The following PKHD1 variants were observed in gnomAD, a reference collection of about 807,000 sequenced individuals.
PKHD1 encodes PKHD1 ciliary IPT domain containing fibrocystin/polyductin.
In PKHD1, 291 loss-of-function variants were observed where a neutral mutation model predicts 412.0. That is an observed-to-expected ratio of 0.71 (90% CI 0.64 to 0.78). The LOEUF (loss-of-function observed/expected upper bound fraction) is 0.78. PKHD1 is among the 30% of genes least tolerant of loss of function. The pLI is 0.00. For synonymous variants in PKHD1, 1,777 were observed against 1,821.5 expected, an observed-to-expected ratio of 0.98 and a Z score of 0.62; for missense variants, 4,825 against 4,950.7, an observed-to-expected ratio of 0.97 and a Z score of 0.76.
chr6:51,961,728 C>T (rs908682685), intron 35 of PKHD1, among the ~76,000 whole-genome samples: 1 of 151,992 alleles, frequency 6.6e-6, no homozygotes, highest in African/African-American at 2.4e-5. Flanking sequence ...AAGTAAACTG[C>T]AGAACAGGGT....
chr6:52,066,810 G>A (rs1348123409), intron 11 of PKHD1, among the ~76,000 whole-genome samples: 2 of 152,152 alleles, frequency 1.3e-5, no homozygotes, highest in Admixed American at 6.5e-5. Context: ...TGAGACAGGA[G>A]AATTGCTTGA....
At chr6:51,732,681 TTGG>T (rs1161165956) in intron 60 of PKHD1, among the ~76,000 whole-genome samples, 2 of 152,168 alleles carry the variant, frequency 1.3e-5, no homozygotes, top group Non-Finnish European at 2.9e-5. Flanking sequence ...TTGTGTACTG[TTGG>T]TGGGAATGTA....
Position 51,616,084 on chromosome 6 carries a change from T to C in PKHD1, c.*2997A>G, listed in dbSNP as rs927842562. 8 of 152,200 alleles carry C rather than the reference T, an allele frequency of 5.3e-5. No homozygotes were observed. Among genetic ancestry groups the C allele is most frequent in the African/African-American group, 1.9e-4 (8 of 41,454 alleles). 9.4% of individuals were successfully genotyped at this position (152,200 alleles called of 1,614,324 possible). ...CTTTATTTGACAAATAAAAATTGTA[T>C]ATATTTATCATGTACAACTCGATAG... On this transcript the variant is annotated 3_prime_UTR_variant, in exon 67 of 67. Coordinates refer to ENST00000371117, the MANE Select transcript of PKHD1 (RefSeq NM_138694.4).
At chr6:51,989,977 AAGGAAGGGAGAG>A (rs1796832983) in intron 35 of PKHD1, among the ~76,000 whole-genome samples, 1 of 117,966 alleles carries the variant, frequency 8.5e-6, no homozygotes, top group African/African-American at 3.0e-5. Context: ...GGAAGGAAGG[AAGGAAGGGAGAG>A]ATACAGCAAT....
intron 15 of PKHD1, among the ~76,000 whole-genome samples, chr6:52,059,253 CTTTTTCTTTTTT>C (rs1808291711): frequency 1.0e-5 from 1 of 98,278 alleles, no homozygotes; most frequent in Non-Finnish European, 2.1e-5. Context: ...TTTTCTTTTT[CTTTTTCTTTTTT>C]TTTTTTTTTT....
intron 64 of PKHD1, among the ~76,000 whole-genome samples, chr6:51,635,735 T>C (rs867838723): frequency 9.9e-5 from 15 of 150,906 alleles, no homozygotes; most frequent in Middle Eastern, 3.4e-3. Context: ...TTTGAGGAGA[T>C]ATTTGAGAAG....
intron 60 of PKHD1, among the ~76,000 whole-genome samples, chr6:51,704,376 A>G (rs936163563): frequency 2.6e-5 from 4 of 152,110 alleles, no homozygotes; most frequent in African/African-American, 9.7e-5. Flanking sequence ...ATTTTCTTCT[A>G]TAAGATAAAG....
chr6:52,058,687 A>G, intron 15 of PKHD1, 86 bp from the exon 16 acceptor site: 1 of 1,368,452 alleles, frequency 7.3e-7, no homozygotes, highest in South Asian at 1.2e-5. Flanking sequence ...AACTGCTACT[A>G]TCAAGAGAGT....
chr6:51,636,500 T>C (rs1347455089), intron 64 of PKHD1, among the ~76,000 whole-genome samples: 4 of 152,052 alleles, frequency 2.6e-5, no homozygotes, highest in African/African-American at 7.2e-5. Flanking sequence ...TGAGCCATGA[T>C]TGAGCCACTG....
rs536818717 is a variant in PKHD1, at chr6:51,887,011, A to T, written c.7109+122T>A. 1.1e-4 allele frequency: 83 copies of T among 732,636 alleles called. No individual in the cohort carries two copies. In the African/African-American group the frequency reaches 1.3e-3, roughly 12 times the overall value. 45.4% of individuals were successfully genotyped at this position (732,636 alleles called of 1,614,324 possible). On this transcript the variant is annotated intron_variant, in intron 44 of 66. Transcript: ENST00000371117. ...TATACCTCAAAAAAGCAGTTTCAGA[A>T]AATGCACAGGAACATCACCCAATCT...
chr6:52,018,931 G>C (rs906761838), intron 33 of PKHD1, among the ~76,000 whole-genome samples: 1 of 152,126 alleles, frequency 6.6e-6, no homozygotes, highest in African/African-American at 2.4e-5. Flanking sequence ...ACTTGGATAA[G>C]TTTATGAATT....
chr6:52,069,614 G>A (rs1184195905), intron 10 of PKHD1, 87 bp from the exon 11 acceptor site: 1 of 922,034 alleles, frequency 1.1e-6, no homozygotes, highest in Admixed American at 1.7e-5. Flanking sequence ...GGAAGATTGG[G>A]AACTAACCTC....
At chr6:51,673,360 T>A (rs1319776899) in intron 60 of PKHD1, among the ~76,000 whole-genome samples, 1 of 152,212 alleles carries the variant, frequency 6.6e-6, no homozygotes, top group Non-Finnish European at 1.5e-5. Context: ...GCCAACAGCA[T>A]TAATCAAAGC....
Position 51,940,608 on chromosome 6 carries a change from C to G in PKHD1, c.5909-6286G>C, listed in dbSNP as rs544624900. 1.9e-3 allele frequency among the ~76,000 whole-genome samples: 288 copies of G among 151,860 alleles called. 14 individuals carry two copies. The highest frequency in any genetic ancestry group is 2.9e-3 in the Admixed American group (44 of 15,260). ...GAGCCCCTGGAACTCTGGCCCAAGG[C>G]TCTCTGACTGACTCCTTCCCAGATC... On this transcript the variant is annotated intron_variant, in intron 36 of 66. Coordinates refer to ENST00000371117, the MANE Select transcript of PKHD1 (RefSeq NM_138694.4).
At chr6:51,926,692 C>A (rs1057246921) in intron 37 of PKHD1, among the ~76,000 whole-genome samples, 7 of 152,144 alleles carry the variant, frequency 4.6e-5, no homozygotes, top group Admixed American at 4.6e-4. Flanking sequence ...ATTTAAGGAA[C>A]CCTTTCTTAA....
chr6:52,040,994 G>T lies in PKHD1; in HGVS notation c.3097+1865C>A, dbSNP rs180996550. ...GATGGTAACAATTAAAGGTTGAAGAGGTGATGATATCTTGCCATTCTCATT... is the reference window on the plus strand; with the variant it reads ...GATGGTAACAATTAAAGGTTGAAGATGTGATGATATCTTGCCATTCTCATT... On this transcript the variant is annotated intron_variant, in intron 27 of 66. Transcript: ENST00000371117. 3.4e-3 allele frequency among the ~76,000 whole-genome samples: 513 copies of T among 152,316 alleles called. 2 individuals are homozygous for T. Among genetic ancestry groups the T allele is most frequent in the Non-Finnish European group, 5.8e-3 (392 of 68,028 alleles).
chr6:51,644,662 T>C (rs1769848728), intron 63 of PKHD1, among the ~76,000 whole-genome samples: 1 of 151,572 alleles, frequency 6.6e-6, no homozygotes, highest in South Asian at 2.1e-4. Flanking sequence ...ATTCATGAGG[T>C]GCACAGGAAA....
At chr6:51,684,050 T>G (rs1265871762) in intron 60 of PKHD1, among the ~76,000 whole-genome samples, 1 of 152,100 alleles carries the variant, frequency 6.6e-6, no homozygotes, top group African/African-American at 2.4e-5. Context: ...AACATCAACA[T>G]TTCCTGAGTA....
chr6:51,850,803 T>C (rs1772082464), intron 49 of PKHD1, among the ~76,000 whole-genome samples: 1 of 152,166 alleles, frequency 6.6e-6, no homozygotes, highest in Non-Finnish European at 1.5e-5. Flanking sequence ...TTGACTGAGA[T>C]GATGGGGTTT....
Sources: allele counts gnomAD v4.1 joint callset (sites outside exome capture counted in the v4.1 genomes callset), GRCh38; gene constraint gnomAD v4.1.1; transcripts MANE v1.5; gene names NCBI Gene and HGNC (gene_info 2026-07-23, HGNC 2026-07-21).